Variants in CRKL observed in about 807,000 individuals in gnomAD.
The protein encoded by CRKL is CRK like proto-oncogene, adaptor protein, also known as crk-like protein.
Under a neutral mutation model 23.0 loss-of-function variants are expected in CRKL, and 3 were observed. The observed-to-expected ratio is 0.13, with a 90% CI of 0.06 to 0.34. The LOEUF is 0.34. CRKL is among the 10% of genes least tolerant of loss of function. The pLI, the probability that CRKL is intolerant of heterozygous loss-of-function variation, is 1.00. For synonymous variants in CRKL, 188 were observed against 160.7 expected (o/e 1.17, Z -1.28); for missense variants, 256 against 394.5 (o/e 0.65, Z 2.97).
chr22:20,953,307 C>T lies in CRKL; in HGVS notation c.*3462C>T, dbSNP rs564082425. ...CCCTAGTAACTGCTGTCGGTGTGGA[C>T]GCTGTGCTGGTTCTGTTTTCTAAAG... On this transcript the variant is annotated 3_prime_UTR_variant, in exon 3 of 3. Transcript: ENST00000354336. The T allele has an allele frequency of 2.6e-5, 6 of 230,598 alleles. No individual in the cohort carries two copies. The highest frequency in any genetic ancestry group is 3.6e-4 in the South Asian group (2 of 5,492). 14.3% of individuals were successfully genotyped at this position (230,598 alleles called of 1,614,324 possible).
intron 2 of CRKL, among the ~76,000 whole-genome samples, chr22:20,945,922 A>C (rs1459790348): frequency 2.6e-5 from 4 of 152,234 alleles, no homozygotes; most frequent in African/African-American, 7.2e-5. Flanking sequence ...ATTATAGTAC[A>C]TGGGCTTTGT....
At chr22:20,935,013 A>G (rs562976237) in intron 2 of CRKL, among the ~76,000 whole-genome samples, 1 of 151,820 alleles carries the variant, frequency 6.6e-6, no homozygotes, top group African/African-American at 2.4e-5. Flanking sequence ...ACAGGGTTTC[A>G]CCGTATTAGC....
intron 1 of CRKL, among the ~76,000 whole-genome samples, chr22:20,933,440 G>A (rs901774586): frequency 6.6e-6 from 1 of 151,756 alleles, no homozygotes; most frequent in African/African-American, 2.4e-5. Context: ...GCCGAGGTGC[G>A]TGGATCGCCC....
intron 1 of CRKL, among the ~76,000 whole-genome samples, chr22:20,931,235 C>T (rs62238490): frequency 0.014 from 2,074 of 152,112 alleles, 26 homozygotes; most frequent in Non-Finnish European, 0.022. Flanking sequence ...GTGAGACCCC[C>T]ATCTCTACAG....
At position 20,917,450 on chromosome 22, in the gene CRKL, C is replaced by T. The variant is rs1394050944; in HGVS notation, c.-485C>T. The T allele has an allele frequency of 8.7e-6, 2 of 229,520 alleles. No homozygotes were observed. Among genetic ancestry groups the T allele is most frequent in the East Asian group, 6.1e-5 (1 of 16,314 alleles). The allele number at this position is 229,520 out of a possible 1,614,324, so 14.2% of individuals were successfully genotyped here. ...GCGGAGGGGGAGGTGGCTGCCGCTT[C>T]TCCCGCGTCCGCCATTTTGTTGCTG... On this transcript the variant is annotated 5_prime_UTR_variant, in exon 1 of 3. Coordinates refer to ENST00000354336, the MANE Select transcript of CRKL (RefSeq NM_005207.4).
chr22:20,942,892 A>G (rs987319753), intron 2 of CRKL, among the ~76,000 whole-genome samples: 3 of 152,188 alleles, frequency 2.0e-5, no homozygotes, highest in African/African-American at 4.8e-5. Flanking sequence ...TGCTGGGATT[A>G]TAGGCATGAG....
At chr22:20,921,718 C>CTTTT (rs935279182) in intron 1 of CRKL, among the ~76,000 whole-genome samples, 1 of 147,042 alleles carries the variant, frequency 6.8e-6, no homozygotes, top group Non-Finnish European at 1.5e-5. Flanking sequence ...TTTCTTTTTT[C>CTTTT]TTTTTTTTTT....
rs780568915 is a variant in CRKL, at chr22:20,951,016, T to C, written c.*1171T>C. The C allele has an allele frequency of 6.4e-5, 15 of 232,710 alleles. No individual in the cohort carries two copies. The highest frequency in any genetic ancestry group is 1.1e-4 in the Non-Finnish European group (13 of 117,776). 14.4% of individuals were successfully genotyped at this position (232,710 alleles called of 1,614,324 possible). ...ACTTTAGGGAAACCTTTGCTTACCT[T>C]GTTTTGCCAGTGATAAGAGCAGTGG... On this transcript the variant is annotated 3_prime_UTR_variant, in exon 3 of 3. Coordinates refer to ENST00000354336, the MANE Select transcript of CRKL (RefSeq NM_005207.4).
At position 20,918,090 on chromosome 22, in the gene CRKL, G is replaced by T; in HGVS notation, c.156G>T (p.Val52=). 6.2e-7 allele frequency: 1 copy of T among 1,614,228 alleles called. No individual in the cohort carries two copies. Among genetic ancestry groups the T allele is most frequent in the Non-Finnish European group, 8.5e-7 (1 of 1,180,038 alleles). Residue 52 remains valine, a synonymous_variant, in exon 1 of 3, where the codon GTG becomes GTT. Transcript: ENST00000354336. ...GCCCTGGGGACTATGTGCTGTCGGT[G>T]TCCGAGAACTCGCGGGTCTCCCACT... is the stretch of plus-strand genomic sequence containing the variant. ...STCPGDYVLS[V]SENSRVSHYI...
chr22:20,940,566 C>CTTTTTTTTTTTTTTTTTTTTTTCTTT (rs55853175), intron 2 of CRKL, among the ~76,000 whole-genome samples: 1 of 134,922 alleles, frequency 7.4e-6, no homozygotes. Context: ...TTTGGTGCTC[C>CTTTTTTTTTTTTTTTTTTTTTTCTTT]TTTTTTTTTT....
chr22:20,943,034 C>G (rs1022474155), intron 2 of CRKL, among the ~76,000 whole-genome samples: 2 of 143,230 alleles, frequency 1.4e-5, no homozygotes, highest in African/African-American at 5.0e-5. Flanking sequence ...ACATCCTCAT[C>G]AACACTTGTT....
rs187480671 is a variant in CRKL at position 20,947,128 on chromosome 22, G to T, written c.778-2583G>T. ...GGCTGCTCTTTGACCTACTTCTGCT[G>T]GTCCAGGTTCCCTCTGTCTAAGCAG... On this transcript the variant is annotated intron_variant, in intron 2 of 2. Transcript: ENST00000354336. Among the ~76,000 whole-genome samples the T allele has an allele frequency of 1.4e-3, 208 of 147,620 alleles. 2 individuals carry two copies. The East Asian group carries it at 0.034, about 24-fold the overall frequency.
Position 20,953,347 on chromosome 22 carries a change from G to T in CRKL, c.*3502G>T, listed in dbSNP as rs555824996. On this transcript the variant is annotated 3_prime_UTR_variant, in exon 3 of 3. Coordinates refer to ENST00000354336, the MANE Select transcript of CRKL (RefSeq NM_005207.4). ...GTTTTCTAAAGGAGCAGAAGGACAG[G>T]TCTCTGAGACAGGATCGTTGTCCCT... is the stretch of plus-strand genomic sequence containing the variant. The T allele has an allele frequency of 8.7e-6, 2 of 230,990 alleles. No individual in the cohort carries two copies. Among genetic ancestry groups the T allele is most frequent in the African/African-American group, 4.4e-5 (2 of 45,058 alleles). The allele number at this position is 230,990 out of a possible 1,614,324, so 14.3% of individuals were successfully genotyped here. A position where few individuals can be genotyped will look rare whatever the true frequency, so the allele number is the denominator to read the frequency against.
chr22:20,949,905 T>G lies in CRKL; in HGVS notation c.*60T>G, dbSNP rs1922202547. ...CTGCCTGTCCTAGTCTCCTTTGAAG[T>G]GGGAAAGCATTTTCTCTCATAGGCA... is the stretch of plus-strand genomic sequence containing the variant. On this transcript the variant is annotated 3_prime_UTR_variant, in exon 3 of 3. Transcript: ENST00000354336. 1 of 1,548,652 alleles carries G rather than the reference T, an allele frequency of 6.5e-7. No homozygotes were observed. The highest frequency in any genetic ancestry group is 8.7e-7 in the Non-Finnish European group (1 of 1,152,554).
Position 20,917,494 on chromosome 22 carries a change from T to C in CRKL, c.-441T>C. The C allele has an allele frequency of 4.1e-6, 1 of 244,730 alleles. No homozygotes were observed. Among genetic ancestry groups the C allele is most frequent in the Non-Finnish European group, 7.9e-6 (1 of 126,278 alleles). The allele number at this position is 244,730 out of a possible 1,614,324, so 15.2% of individuals were successfully genotyped here. Reference sequence around the variant, plus strand: ...GTTGCTGTGGCTATTGGGAACAAGCTGGGCAAAAGCACCCCGGAGGCGCGA... The same window carrying C: ...GTTGCTGTGGCTATTGGGAACAAGCCGGGCAAAAGCACCCCGGAGGCGCGA... On this transcript the variant is annotated 5_prime_UTR_variant, in exon 1 of 3. Coordinates refer to ENST00000354336, the MANE Select transcript of CRKL (RefSeq NM_005207.4).
intron 1 of CRKL, among the ~76,000 whole-genome samples, chr22:20,927,111 C>CAAAAAAAAAAAAAAA (rs371278201): frequency 3.1e-3 from 148 of 48,482 alleles, no homozygotes; most frequent in Middle Eastern, 0.023. Context: ...GACTCCGTCT[C>CAAAAAAAAAAAAAAA]AAAAAAAAAA....
At chr22:20,946,620 C>A (rs902389740) in intron 2 of CRKL, among the ~76,000 whole-genome samples, 2 of 152,010 alleles carry the variant, frequency 1.3e-5, no homozygotes, top group Non-Finnish European at 2.9e-5. Context: ...TGGTATCTAC[C>A]CACATCAAGA....
At chr22:20,938,036 A>G (rs1481114582) in intron 2 of CRKL, among the ~76,000 whole-genome samples, 2 of 152,134 alleles carry the variant, frequency 1.3e-5, no homozygotes, top group African/African-American at 2.4e-5. Context: ...TATCTTCTAA[A>G]ACTATTATTA....
At chr22:20,947,378 C>T (rs1435565321) in intron 2 of CRKL, among the ~76,000 whole-genome samples, 1 of 149,236 alleles carries the variant, frequency 6.7e-6, no homozygotes, top group East Asian at 2.0e-4. Context: ...CGCCCAGCTA[C>T]ACCAAGTGCA....
Sources: allele counts gnomAD v4.1 joint callset (sites outside exome capture counted in the v4.1 genomes callset), GRCh38; gene constraint gnomAD v4.1.1; transcripts MANE v1.5; gene names NCBI Gene and HGNC (gene_info 2026-07-23, HGNC 2026-07-21).